Variants in SNX14 observed in about 807,000 individuals in gnomAD.
The protein encoded by SNX14 is sorting nexin-14.
SNX14 carries 93 observed loss-of-function variants against 133.8 expected under a neutral mutation model. The ratio of observed to expected loss-of-function variants is 0.70; its 90% CI spans 0.59 to 0.83. The LOEUF (loss-of-function observed/expected upper bound fraction) is 0.83, where lower values mean the gene tolerates loss of function less well. Among genes scored for constraint, SNX14 ranks in the 40% least tolerant of loss-of-function variants. The probability of loss-of-function intolerance (pLI) is 0.00; values close to 1 mark genes in which losing one functional copy is unlikely to be tolerated. For missense variants in SNX14, 945 were observed against 1,094.9 expected (o/e 0.86, Z 1.93); for synonymous variants, 368 against 365.6 (o/e 1.01, Z -0.07).
intron 19 of SNX14, among the ~76,000 whole-genome samples, chr6:85,528,811 C>T (rs533787798): frequency 1.6e-4 from 25 of 152,196 alleles, no homozygotes; most frequent in African/African-American, 5.5e-4. Flanking sequence ...AAGCCCAGCA[C>T]TTTGAGAGGC....
intron 7 of SNX14, among the ~76,000 whole-genome samples, chr6:85,550,440 C>T (rs970412780): frequency 6.6e-6 from 1 of 152,112 alleles, no homozygotes; most frequent in Non-Finnish European, 1.5e-5. Context: ...GTTGCCAAAT[C>T]CTGTATCTTC....
chr6:85,555,425 T>C (rs888428959), intron 7 of SNX14, among the ~76,000 whole-genome samples: 19 of 152,162 alleles, frequency 1.2e-4, no homozygotes, highest in African/African-American at 4.3e-4. Context: ...TATCAAGCTA[T>C]GAAAAGATAG....
intron 21 of SNX14, among the ~76,000 whole-genome samples, chr6:85,519,760 T>G (rs1253441993): frequency 6.6e-6 from 1 of 152,082 alleles, no homozygotes; most frequent in African/African-American, 2.4e-5. Context: ...TCCCAGCTAC[T>G]AAGGAGACCA....
At chr6:85,528,612 C>T (rs1172278677) in intron 19 of SNX14, among the ~76,000 whole-genome samples, 1 of 152,052 alleles carries the variant, frequency 6.6e-6, no homozygotes, top group Non-Finnish European at 1.5e-5. Context: ...GATTTTTTGG[C>T]TTTCTATCCT....
intron 7 of SNX14, among the ~76,000 whole-genome samples, chr6:85,554,805 A>G (rs952827325): frequency 2.0e-5 from 3 of 152,008 alleles, no homozygotes; most frequent in African/African-American, 7.2e-5. Flanking sequence ...GTTTATATAT[A>G]TATCATTCTC....
At chr6:85,558,554 C>G (rs563154144) in intron 6 of SNX14, among the ~76,000 whole-genome samples, 1 of 152,124 alleles carries the variant, frequency 6.6e-6, no homozygotes, top group Non-Finnish European at 1.5e-5. Flanking sequence ...CTCAGTCTCC[C>G]GGGCTCAGGT....
chr6:85,507,500 G>A (rs1771115036), intron 27 of SNX14, among the ~76,000 whole-genome samples: 1 of 152,090 alleles, frequency 6.6e-6, no homozygotes, highest in African/African-American at 2.4e-5. Flanking sequence ...GTGTTTGCAT[G>A]AGGACACTTT....
In SNX14 at chr6:85,593,589, G is replaced by A. The variant is rs1372318474; in HGVS notation, c.130C>T (p.Leu44Phe). 6.2e-7 allele frequency: 1 copy of A among 1,611,702 alleles called. No individual in the cohort carries two copies. Among genetic ancestry groups the A allele is most frequent in the South Asian group, 1.1e-5 (1 of 90,652 alleles). ...LLLCLSAASL[L>F]LNRYIHILMI... ...GCGCTGCGGCGTTACCTGTTAAGAAGCAGGGAGGCGGCGCTGAGACAGAGC... is the reference window on the plus strand; with the variant it reads ...GCGCTGCGGCGTTACCTGTTAAGAAACAGGGAGGCGGCGCTGAGACAGAGC... The change falls in exon 1 of 29, where the codon CTT becomes TTT. Residue 44 changes from leucine to phenylalanine, a missense_variant. Leu to Phe is a conservative substitution (Grantham distance 22, BLOSUM62 0). This residue lies in a region of SNX14 where 514 missense variants were observed against 538.8 expected (regional missense o/e 0.95). Transcript: ENST00000314673.
Position 85,547,138 on chromosome 6 carries a change from T to C in SNX14, c.1082A>G (p.His361Arg). The C allele has an allele frequency of 6.2e-7, 1 of 1,613,922 alleles. No individual in the cohort carries two copies. Among genetic ancestry groups the C allele is most frequent in the Non-Finnish European group, 8.5e-7 (1 of 1,179,884 alleles). Residue 361 changes from histidine to arginine, a missense_variant, in exon 12 of 29, where the codon CAC (histidine) becomes CGC (arginine). Around this residue, in one of 3 missense-constraint regions of SNX14, gnomAD observed 514 missense variants for 538.8 expected, o/e 0.95. Transcript: ENST00000314673. Reference sequence around the variant, plus strand: ...CACAGTCAAACAAAACTGCAACACGTGCACTGCGCCTTCTTGTTTCAGAAA... The same window carrying C: ...CACAGTCAAACAAAACTGCAACACGCGCACTGCGCCTTCTTGTTTCAGAAA... ...MNFLKQEGAV[H>R]VLQFCLTVEE...
In SNX14 at chr6:85,572,177, T is replaced by G; in HGVS notation, c.377A>C (p.Asp126Ala). The change falls in exon 4 of 29, where the codon GAC (aspartate) becomes GCC (alanine). Residue 126 changes from aspartate (D) to alanine (A), a missense_variant. Physicochemically the swap from Asp to Ala is moderately radical, Grantham distance 126 (BLOSUM62 -2). This residue lies in a region of SNX14 where 514 missense variants were observed against 538.8 expected (regional missense o/e 0.95). Transcript: ENST00000314673. ...LLLENYQPWL[D>A]LKISSKVDAS... ...ATCAACCTTGGAAGAAATTTTCAGG[T>G]CTAGCCATGGCTGGTAGTTTTCAAG... is the stretch of plus-strand genomic sequence containing the variant. 6.2e-7 allele frequency: 1 copy of G among 1,613,850 alleles called. No individual in the cohort carries two copies. Among genetic ancestry groups the G allele is most frequent in the Middle Eastern group, 1.7e-4 (1 of 6,012 alleles).
At chr6:85,506,864 A>G (rs1388918905) in intron 28 of SNX14, among the ~76,000 whole-genome samples, 6 of 152,190 alleles carry the variant, frequency 3.9e-5, no homozygotes, top group African/African-American at 1.4e-4. Flanking sequence ...TTTACATAAA[A>G]CTTGCTTCAA....
intron 26 of SNX14, chr6:85,508,320 T>TAAA (rs765165360): frequency 4.0e-5 from 35 of 869,024 alleles, no homozygotes; most frequent in African/African-American, 1.4e-4. Flanking sequence ...AATGCTGCAG[T>TAAA]AAAAAAAAAA....
chr6:85,588,552 G>A (rs1801745772), intron 1 of SNX14, among the ~76,000 whole-genome samples: 1 of 146,444 alleles, frequency 6.8e-6, no homozygotes. Context: ...AGTCTGGCCT[G>A]AGCAAAGAGC....
In SNX14 at chr6:85,548,296, C is replaced by G; in HGVS notation, c.867+5G>C. The G allele has an allele frequency of 6.3e-7, 1 of 1,595,904 alleles. No individual in the cohort carries two copies. Among genetic ancestry groups the G allele is most frequent in the East Asian group, 2.2e-5 (1 of 44,630 alleles). On this transcript the variant is annotated splice_donor_5th_base_variant and intron_variant, in intron 9 of 28. Coordinates refer to ENST00000314673, the MANE Select transcript of SNX14 (RefSeq NM_153816.6). ...AACAATTTAAAAAAAAATCTTAAGTCTTACTGGATCAGCTAGGAAATCCAA... is the reference window on the plus strand; with the variant it reads ...AACAATTTAAAAAAAAATCTTAAGTGTTACTGGATCAGCTAGGAAATCCAA...
intron 4 of SNX14, 100 bp from the exon 5 acceptor site, chr6:85,567,677 T>G: frequency 1.4e-6 from 1 of 723,054 alleles, no homozygotes; most frequent in South Asian, 1.8e-5. Context: ...AGAAACAATT[T>G]TATTATCACA....
At chr6:85,578,562 A>T (rs1476268482) in intron 1 of SNX14, among the ~76,000 whole-genome samples, 1 of 152,208 alleles carries the variant, frequency 6.6e-6, no homozygotes, top group Non-Finnish European at 1.5e-5. Flanking sequence ...AGCAAACAGC[A>T]TCAATGATCC....
chr6:85,547,866 C>G (rs1786243270), intron 9 of SNX14, among the ~76,000 whole-genome samples: 1 of 152,094 alleles, frequency 6.6e-6, no homozygotes, highest in Non-Finnish European at 1.5e-5. Context: ...AATGGATGAA[C>G]AGATAAGCAA....
chr6:85,550,445 A>G (rs1266046056), intron 7 of SNX14, among the ~76,000 whole-genome samples: 4 of 152,196 alleles, frequency 2.6e-5, no homozygotes, highest in Non-Finnish European at 5.9e-5. Context: ...CAAATCCTGT[A>G]TCTTCTTTCT....
intron 20 of SNX14, among the ~76,000 whole-genome samples, 185 bp downstream of exon 20, chr6:85,528,077 G>A (rs980337874): frequency 2.0e-5 from 3 of 151,876 alleles, no homozygotes; most frequent in African/African-American, 7.3e-5. Context: ...CAATTTGGAG[G>A]GAGGGTAAGT....
Sources: gnomAD v4.1 joint callset for allele counts (sites outside exome capture counted in the v4.1 genomes callset) on GRCh38, gnomAD v4.1.1 for gene constraint, gnomAD v4.1.1 regional missense constraint, MANE v1.5 for transcripts, NCBI Gene and HGNC (gene_info 2026-07-23, HGNC 2026-07-21) for gene names.